Variants in KDM1A observed in about 807,000 individuals in gnomAD.
KDM1A encodes lysine demethylase 1A.
In KDM1A, 49 loss-of-function variants were observed where a neutral mutation model predicts 109.4. The observed-to-expected ratio is 0.45, with a 90% CI of 0.36 to 0.57. The LOEUF (loss-of-function observed/expected upper bound fraction) is 0.57. Ranked by LOEUF, KDM1A falls within the 20% of genes least tolerant of loss-of-function variation. KDM1A has a pLI of 0.00. For synonymous variants in KDM1A, 380 were observed against 415.4 expected, an observed-to-expected ratio of 0.91 and a Z score of 1.04; for missense variants, 668 against 1,116.6, an observed-to-expected ratio of 0.60 and a Z score of 5.73.
At chr1:23,050,330 C>G in intron 3 of KDM1A, 57 bp from the exon 4 acceptor site, 1 of 1,521,098 alleles carries the variant, frequency 6.6e-7, no homozygotes, top group Admixed American at 2.2e-5. Flanking sequence ...AGCGTCATCA[C>G]TACCCGTTTT....
chr1:23,069,075 A>C lies in KDM1A; in HGVS notation c.1337A>C (p.His446Pro). 1 of 1,608,920 alleles carries C rather than the reference A, an allele frequency of 6.2e-7. No homozygotes were observed. The highest frequency in any genetic ancestry group is 8.5e-7 in the Non-Finnish European group (1 of 1,177,494). The change falls in exon 12 of 21, where the codon CAT becomes CCT. Residue 446 changes from histidine (H) to proline (P), a missense_variant. By Grantham distance (77) the His-to-Pro change is moderately conservative. Transcript: ENST00000400181. The part of the protein sequence containing the change: ...LEVVIQLQEK[H>P]VKDEQIEHWK... ...GTCTCTCTTAGGTTACAAGAGAAGC[A>C]TGTCAAAGATGAGCAGATTGAACAT...
chr1:23,037,103 C>G (rs963076414), intron 2 of KDM1A, among the ~76,000 whole-genome samples: 1 of 149,534 alleles, frequency 6.7e-6, no homozygotes, highest in African/African-American at 2.5e-5. Context: ...ATGGTGAAAC[C>G]CCATCTCCAC....
rs867739666 is a variant in KDM1A, at chr1:23,067,200, C to A, written c.1179+1129C>A. Among the ~76,000 whole-genome samples the A allele has an allele frequency of 1.4e-4, 21 of 152,330 alleles. No individual in the cohort carries two copies. The Middle Eastern group carries it at 0.024, about 173-fold the overall frequency. ...GGGTAATTCTTTAATTATAAAGATACCCTGATCCCTCCCATGTATAGTCTT... is the reference window on the plus strand; with the variant it reads ...GGGTAATTCTTTAATTATAAAGATAACCTGATCCCTCCCATGTATAGTCTT... On this transcript the variant is annotated intron_variant, in intron 10 of 20. Coordinates refer to ENST00000400181, the MANE Select transcript of KDM1A (RefSeq NM_001009999.3).
intron 16 of KDM1A, 144 bp downstream of exon 16, chr1:23,077,504 C>G: frequency 1.3e-6 from 1 of 742,934 alleles, no homozygotes; most frequent in Non-Finnish European, 2.0e-6. Flanking sequence ...ACAGTTGAGC[C>G]TATAGAGTCT....
At chr1:23,059,003 T>C (rs1429800233) in intron 8 of KDM1A, 70 bp from the exon 9 acceptor site, 8 of 859,544 alleles carry the variant, frequency 9.3e-6, no homozygotes, top group Non-Finnish European at 1.4e-5. Flanking sequence ...AGTAAAAATA[T>C]TTTTTACTTT....
chr1:23,077,318 A>C lies in KDM1A; in HGVS notation c.1825A>C (p.Lys609Gln). 6.2e-7 allele frequency: 1 copy of C among 1,614,172 alleles called. No homozygotes were observed. Among genetic ancestry groups the C allele is most frequent in the Non-Finnish European group, 8.5e-7 (1 of 1,179,976 alleles). The change falls in exon 16 of 21, where the codon AAA becomes CAA. Residue 609 changes from lysine to glutamine, a missense_variant. This residue lies in a region of KDM1A where 162 missense variants were observed against 376.4 expected (regional missense o/e 0.43). Coordinates refer to ENST00000400181, the MANE Select transcript of KDM1A (RefSeq NM_001009999.3). ...PVALAEGLDI[K>Q]LNTAVRQVRY... The stretch of plus-strand genomic sequence containing the variant: ...GGCTTTAGCAGAAGGCCTAGACATT[A>C]AACTGAATACAGCAGTGCGACAGGT...
intron 5 of KDM1A, 25 bp downstream of exon 5, chr1:23,053,864 A>G (rs1642746405): frequency 8.1e-7 from 1 of 1,238,522 alleles, no homozygotes; most frequent in Non-Finnish European, 1.2e-6. Flanking sequence ...CAATAGGACT[A>G]ATTTGTACTG....
intron 18 of KDM1A, among the ~76,000 whole-genome samples, chr1:23,080,379 T>A (rs932593063): frequency 9.9e-5 from 15 of 152,214 alleles, no homozygotes; most frequent in Non-Finnish European, 1.6e-4. Context: ...CTGTCAGTGC[T>A]AGCCTTACAA....
intron 8 of KDM1A, chr1:23,057,883 A>G: frequency 5.9e-6 from 1 of 170,940 alleles, no homozygotes; most frequent in Admixed American, 6.7e-5. Context: ...CACTCACTGC[A>G]GTCTCCTCCC....
chr1:23,066,248 A>T (rs1449999925), intron 10 of KDM1A, among the ~76,000 whole-genome samples, 177 bp downstream of exon 10: 1 of 152,164 alleles, frequency 6.6e-6, no homozygotes, highest in Non-Finnish European at 1.5e-5. Context: ...TTTGTCATTG[A>T]AAGCACGTGT....
chr1:23,058,325 C>T (rs1407224762), intron 8 of KDM1A, among the ~76,000 whole-genome samples: 5 of 152,126 alleles, frequency 3.3e-5, no homozygotes, highest in Non-Finnish European at 1.5e-5. Context: ...GTGATCCACC[C>T]ACCTCGGCCT....
intron 10 of KDM1A, among the ~76,000 whole-genome samples, chr1:23,067,829 G>C (rs1643199730): frequency 6.6e-6 from 1 of 152,184 alleles, no homozygotes; most frequent in African/African-American, 2.4e-5. Flanking sequence ...CATGGCTTAG[G>C]ATCATGGTCT....
intron 2 of KDM1A, among the ~76,000 whole-genome samples, chr1:23,031,735 G>A (rs1641986985): frequency 6.6e-6 from 1 of 152,122 alleles, no homozygotes; most frequent in South Asian, 2.1e-4. Flanking sequence ...TAATTTATAG[G>A]ATTGTAATAA....
chr1:23,050,342 T>G, intron 3 of KDM1A, 45 bp from the exon 4 acceptor site: 1 of 1,568,606 alleles, frequency 6.4e-7, no homozygotes, highest in Non-Finnish European at 8.6e-7. Flanking sequence ...ACCCGTTTTG[T>G]ATTCACTTGC....
At chr1:23,075,655 T>A (rs1349043642) in intron 15 of KDM1A, among the ~76,000 whole-genome samples, 2 of 150,980 alleles carry the variant, frequency 1.3e-5, no homozygotes, top group East Asian at 4.0e-4. Flanking sequence ...CTAATAAAAA[T>A]TATTTTGACA....
Position 23,081,463 on chromosome 1 carries a change from C to T in KDM1A, c.2188C>T (p.Leu730=). ...TTCCCCAGCTCCAATACTGTTGGCACTAGTGGCAGGAGAAGCTGCTGGTAT... is the reference window on the plus strand; with the variant it reads ...TTCCCCAGCTCCAATACTGTTGGCATTAGTGGCAGGAGAAGCTGCTGGTAT... The part of the protein sequence containing the change: ...NLYKAPILLA[L]VAGEAAGIME... Residue 730 remains leucine (L), a synonymous_variant, in exon 19 of 21, where the codon CTA becomes TTA. Transcript: ENST00000400181. 6.2e-7 allele frequency: 1 copy of T among 1,614,176 alleles called. No individual in the cohort carries two copies. The highest frequency in any genetic ancestry group is 8.5e-7 in the Non-Finnish European group (1 of 1,180,014).
Position 23,019,814 on chromosome 1 carries a change from G to C in KDM1A, c.218G>C (p.Gly73Ala). 1 of 1,415,646 alleles carries C rather than the reference G, an allele frequency of 7.1e-7. No individual in the cohort carries two copies. The highest frequency in any genetic ancestry group is 3.5e-5 in the Admixed American group (1 of 28,502). The allele number at this position is 1,415,646 out of a possible 1,614,324, so 87.7% of individuals were successfully genotyped here. A position where few individuals can be genotyped will look rare whatever the true frequency, so the allele number is the denominator to read the frequency against. Residue 73 changes from glycine (G) to alanine (A), a missense_variant, in exon 1 of 21, where the codon GGC (glycine) becomes GCC (alanine). This residue lies in a region of KDM1A where 156 missense variants were observed against 163.4 expected (regional missense o/e 0.95). Transcript: ENST00000400181. ...CCTCCGCGGGCCTCGCCCCCCGGGG[G>C]CCTGGCGGAACCGCCGGGGTCCGCA... ...KEPPRASPPG[G>A]LAEPPGSAGP... is the part of the protein sequence containing the mutation.
intron 9 of KDM1A, among the ~76,000 whole-genome samples, chr1:23,064,712 C>T (rs1376578505): frequency 6.6e-6 from 1 of 152,218 alleles, no homozygotes; most frequent in Non-Finnish European, 1.5e-5. Flanking sequence ...GGCTTTCCCA[C>T]ATTCTGCATG....
intron 15 of KDM1A, among the ~76,000 whole-genome samples, chr1:23,075,078 A>G (rs1643424510): frequency 6.6e-6 from 1 of 152,214 alleles, no homozygotes; most frequent in Admixed American, 6.5e-5. Flanking sequence ...TTTAGGGTGA[A>G]TTGCCATCTT....
Sources: allele counts gnomAD v4.1 joint callset (sites outside exome capture counted in the v4.1 genomes callset), GRCh38; gene constraint gnomAD v4.1.1; regional missense constraint gnomAD v4.1.1; transcripts MANE v1.5; gene names NCBI Gene and HGNC (gene_info 2026-07-23, HGNC 2026-07-21).